UNC13B: variants seen among roughly 807,000 people sequenced by gnomAD.
UNC13B encodes protein unc-13 homolog B.
UNC13B carries 144 observed loss-of-function variants against 211.0 expected under a neutral mutation model. That is an observed-to-expected ratio of 0.68 (90% confidence interval 0.60 to 0.78). UNC13B has a LOEUF of 0.78. Among genes scored for constraint, UNC13B ranks in the 30% least tolerant of loss-of-function variants. UNC13B has a pLI of 0.00. For missense variants in UNC13B, 1,777 were observed against 2,002.0 expected, an observed-to-expected ratio of 0.89 and a Z score of 2.14; for synonymous variants, 709 against 725.8, an observed-to-expected ratio of 0.98 and a Z score of 0.37.
chr9:35,331,225 G>GT (rs1368720892), intron 11 of UNC13B, among the ~76,000 whole-genome samples: 6 of 152,026 alleles, frequency 3.9e-5, no homozygotes, highest in African/African-American at 1.4e-4. Context: ...ATTATTCAGG[G>GT]TTTTTTGTTT....
intron 1 of UNC13B, among the ~76,000 whole-genome samples, chr9:35,225,201 C>T (rs1353192291): frequency 1.3e-5 from 2 of 152,132 alleles, no homozygotes; most frequent in African/African-American, 4.8e-5. Flanking sequence ...CACTCTGTCA[C>T]CCCCGCTGGA....
chr9:35,253,549 ACTT>A (rs1564095116), intron 6 of UNC13B, among the ~76,000 whole-genome samples: 2 of 152,202 alleles, frequency 1.3e-5, no homozygotes, highest in Admixed American at 6.5e-5. Context: ...ATTTCATCAT[ACTT>A]GCTGCAAAAT....
rs1012042528 is a variant in UNC13B, at chr9:35,305,040, C to A, written c.5636C>A (p.Thr1879Lys). 2.5e-6 allele frequency: 1 copy of A among 398,902 alleles called. No homozygotes were observed. The highest frequency in any genetic ancestry group is 4.4e-6 in the Non-Finnish European group (1 of 225,984). The allele number at this position is 398,902 out of a possible 1,614,324, so 24.7% of individuals were successfully genotyped here. ...KSGVKDDEII[T>K]TDSISVSPAP... Reference sequence around the variant, plus strand: ...GGTGTAAAAGATGATGAAATCATTACAACAGACTCTATTTCAGTTTCTCCT... The same window carrying A: ...GGTGTAAAAGATGATGAAATCATTAAAACAGACTCTATTTCAGTTTCTCCT... The change falls in exon 9 of 40, where the codon ACA (threonine) becomes AAA (lysine). Residue 1879 changes from threonine (T) to lysine (K), a missense_variant. Coordinates refer to ENST00000635942, the MANE Select transcript of UNC13B (RefSeq NM_001371189.2).
At position 35,306,584 on chromosome 9, in the gene UNC13B, A is replaced by G. The variant is rs1453272967; in HGVS notation, c.7180A>G (p.Asn2394Asp). Reference protein sequence around the residue: ...EKFNDLDTCTNCHQNEKFTTD... With the variant: ...EKFNDLDTCTDCHQNEKFTTD... ...ATTCAATGATTTAGACACTTGTACT[A>G]ACTGCCACCAAAATGAGAAATTTAC... The change falls in exon 9 of 40, where the codon AAC becomes GAC. Residue 2394 changes from asparagine (N) to aspartate (D), a missense_variant. Coordinates refer to ENST00000635942, the MANE Select transcript of UNC13B (RefSeq NM_001371189.2). The G allele has an allele frequency of 2.5e-6, 1 of 398,862 alleles. No individual in the cohort carries two copies. Among genetic ancestry groups the G allele is most frequent in the African/African-American group, 2.1e-5 (1 of 48,612 alleles). The allele number at this position is 398,862 out of a possible 1,614,324, so 24.7% of individuals were successfully genotyped here.
At chr9:35,310,859 G>C in intron 10 of UNC13B, 78 bp downstream of exon 10, 1 of 1,396,294 alleles carries the variant, frequency 7.2e-7, no homozygotes, top group Admixed American at 2.2e-5. Context: ...ATAAGTGATT[G>C]TCATTTGTTT....
intron 37 of UNC13B, among the ~76,000 whole-genome samples, chr9:35,402,345 G>A (rs139292228): frequency 0.029 from 4,336 of 150,362 alleles, 213 homozygotes; most frequent in African/African-American, 0.1. Context: ...CCAGTGGAGC[G>A]ATCTCTGCCC....
At chr9:35,327,229 C>A (rs1319205405) in intron 11 of UNC13B, among the ~76,000 whole-genome samples, 1 of 151,944 alleles carries the variant, frequency 6.6e-6, no homozygotes, top group Non-Finnish European at 1.5e-5. Flanking sequence ...GGGAGAGAAC[C>A]AATAGGATAT....
intron 6 of UNC13B, among the ~76,000 whole-genome samples, chr9:35,256,091 A>G (rs1002541195): frequency 6.6e-6 from 1 of 152,216 alleles, no homozygotes; most frequent in Non-Finnish European, 1.5e-5. Flanking sequence ...AGTGTGATAC[A>G]TTTGTTACAG....
At chr9:35,353,468 CAG>C (rs1428710258) in intron 11 of UNC13B, 1 of 1,232,068 alleles carries the variant, frequency 8.1e-7, no homozygotes, top group African/African-American at 1.6e-5. Flanking sequence ...CCCTGGGAGT[CAG>C]GGGAGTGAAA....
intron 1 of UNC13B, among the ~76,000 whole-genome samples, chr9:35,164,897 A>G (rs1820952334): frequency 6.6e-6 from 1 of 152,196 alleles, no homozygotes; most frequent in Admixed American, 6.5e-5. Flanking sequence ...GAAATGAATC[A>G]TATGCTGCCT....
chr9:35,285,164 G>C (rs1828718402), intron 7 of UNC13B, among the ~76,000 whole-genome samples: 1 of 152,158 alleles, frequency 6.6e-6, no homozygotes, highest in Admixed American at 6.5e-5. Flanking sequence ...ACTGTATGAT[G>C]ACATTGAACT....
chr9:35,244,512 G>T (rs1437992372), intron 6 of UNC13B, among the ~76,000 whole-genome samples: 1 of 152,188 alleles, frequency 6.6e-6, no homozygotes, highest in Non-Finnish European at 1.5e-5. Context: ...GATCAGTTCA[G>T]CTCCGTCTAG....
chr9:35,318,377 A>AT (rs2131896721), intron 11 of UNC13B, among the ~76,000 whole-genome samples: 1 of 152,178 alleles, frequency 6.6e-6, no homozygotes, highest in Admixed American at 6.5e-5. Flanking sequence ...AACACCAAGG[A>AT]TTTTTTTGCC....
At chr9:35,181,465 A>T (rs956870232) in intron 1 of UNC13B, among the ~76,000 whole-genome samples, 3 of 152,190 alleles carry the variant, frequency 2.0e-5, no homozygotes, top group Non-Finnish European at 4.4e-5. Flanking sequence ...TATAAAATGG[A>T]GATAATATTA....
chr9:35,259,226 G>A (rs998586406), intron 7 of UNC13B, among the ~76,000 whole-genome samples, 176 bp downstream of exon 7: 1 of 152,108 alleles, frequency 6.6e-6, no homozygotes, highest in Admixed American at 6.6e-5. Context: ...ATTAGCTTTA[G>A]GGAGACGTTT....
intron 1 of UNC13B, among the ~76,000 whole-genome samples, chr9:35,175,027 G>C (rs1477457377): frequency 6.6e-6 from 1 of 151,356 alleles, no homozygotes; most frequent in Non-Finnish European, 1.5e-5. Context: ...CGAACTCCTG[G>C]GACTCAAGTG....
chr9:35,290,969 G>T lies in UNC13B; in HGVS notation c.527-4727G>T. The T allele has an allele frequency of 4.1e-6, 5 of 1,208,084 alleles. No individual in the cohort carries two copies. In the South Asian group the frequency reaches 6.8e-5, roughly 16 times the overall value. The allele number at this position is 1,208,084 out of a possible 1,614,324, so 74.8% of individuals were successfully genotyped here. On this transcript the variant is annotated intron_variant, in intron 7 of 39. Coordinates refer to ENST00000635942, the MANE Select transcript of UNC13B (RefSeq NM_001371189.2). ...TACAAGTGAGGTAGGCTTAAGTAAG[G>T]TAAGGCACATAATAATTGCTGAGAT...
Position 35,303,485 on chromosome 9 carries a change from G to C in UNC13B, c.4081G>C (p.Asp1361His). 1 of 398,724 alleles carries C rather than the reference G, an allele frequency of 2.5e-6. No individual in the cohort carries two copies. Among genetic ancestry groups the C allele is most frequent in the Admixed American group, 4.4e-5 (1 of 22,714 alleles). The allele number at this position is 398,724 out of a possible 1,614,324, so 24.7% of individuals were successfully genotyped here. ...NSPFCFEWDSDIKDLSKNSRK... is the reference protein window; with the variant it reads ...NSPFCFEWDSHIKDLSKNSRK... ...TCCTTTCTGTTTTGAATGGGACTCTGACATAAAAGATTTGTCTAAAAATTC... is the reference window on the plus strand; with the variant it reads ...TCCTTTCTGTTTTGAATGGGACTCTCACATAAAAGATTTGTCTAAAAATTC... The change falls in exon 9 of 40, where the codon GAC becomes CAC. Residue 1361 changes from aspartate (D) to histidine (H), a missense_variant. By Grantham distance (81) the Asp-to-His change is moderately conservative. Coordinates refer to ENST00000635942, the MANE Select transcript of UNC13B (RefSeq NM_001371189.2).
intron 6 of UNC13B, among the ~76,000 whole-genome samples, chr9:35,251,307 C>T (rs780077395): frequency 9.3e-5 from 14 of 150,184 alleles, no homozygotes; most frequent in East Asian, 2.1e-4. Flanking sequence ...CCAATCCAGC[C>T]GGGTGTGTTG....
Sources: allele counts gnomAD v4.1 joint callset (sites outside exome capture counted in the v4.1 genomes callset), GRCh38; gene constraint gnomAD v4.1.1; transcripts MANE v1.5; gene names NCBI Gene and HGNC (gene_info 2026-07-23, HGNC 2026-07-21).